Variants in MEST observed in about 807,000 individuals in gnomAD.
MEST encodes mesoderm-specific transcript homolog protein.
Under a neutral mutation model 50.9 loss-of-function variants are expected in MEST, and 18 were observed. The ratio of observed to expected loss-of-function variants is 0.35; its 90% CI spans 0.24 to 0.52. The LOEUF (loss-of-function observed/expected upper bound fraction) is 0.52, where lower values mean the gene tolerates loss of function less well. Ranked by LOEUF, MEST falls within the 20% of genes least tolerant of loss-of-function variation. The probability of loss-of-function intolerance (pLI) is 0.94; values close to 1 mark genes in which losing one functional copy is unlikely to be tolerated. For synonymous variants in MEST, 130 were observed against 154.1 expected, an observed-to-expected ratio of 0.84 and a Z score of 1.16; for missense variants, 282 against 425.3, an observed-to-expected ratio of 0.66 and a Z score of 2.96.
chr7:130,500,761 TATC>T lies in MEST; in HGVS notation c.648-27_648-25del. 6.3e-7 allele frequency: 1 copy of T among 1,582,702 alleles called. No individual in the cohort carries two copies. The highest frequency in any genetic ancestry group is 8.6e-7 in the Non-Finnish European group (1 of 1,159,984). Reference sequence around the variant, plus strand: ...GAACATTCTGAGTTCTCCTCACACTTATCTTCCTGCGTTTTGGACTCTTTCAGT... The same window carrying T: ...GAACATTCTGAGTTCTCCTCACACTTTTCCTGCGTTTTGGACTCTTTCAGT... On this transcript the variant is annotated intron_variant, in intron 8 of 11. Transcript: ENST00000223215. This position sits in a 1 kb window ranked among gnomAD's most constrained non-coding sequence, Gnocchi z 5.0.
At position 130,501,090 on chromosome 7, in the gene MEST, G is replaced by A. The variant is rs1799261120; in HGVS notation, c.749+200G>A. 8 of 480,302 alleles carry A rather than the reference G, an allele frequency of 1.7e-5. No individual in the cohort carries two copies. In the South Asian group the frequency reaches 3.1e-4, roughly 18 times the overall value. The allele number at this position is 480,302 out of a possible 1,614,324, so 29.8% of individuals were successfully genotyped here. A position where few individuals can be genotyped will look rare whatever the true frequency, so the allele number is the denominator to read the frequency against. ...ACTGGACTCTTTGTTAGTATTAAATGCTTCAAAGTATTGAATCATGGTTGT... is the reference window on the plus strand; with the variant it reads ...ACTGGACTCTTTGTTAGTATTAAATACTTCAAAGTATTGAATCATGGTTGT... On this transcript the variant is annotated intron_variant, in intron 9 of 11. Coordinates refer to ENST00000223215, the MANE Select transcript of MEST (RefSeq NM_002402.4).
chr7:130,504,329 A>G (rs1799393157), intron 11 of MEST, among the ~76,000 whole-genome samples: 1 of 152,222 alleles, frequency 6.6e-6, no homozygotes, highest in African/African-American at 2.4e-5. Context: ...GTCTGATTGT[A>G]AAGCCAATTC....
chr7:130,495,616 T>G, intron 2 of MEST, 94 bp downstream of exon 2: 1 of 1,263,582 alleles, frequency 7.9e-7, no homozygotes, highest in Non-Finnish European at 1.1e-6. Context: ...TTGTTGCTCC[T>G]TAATGATGGA....
chr7:130,492,354 G>A lies in MEST; in HGVS notation c.26+15G>A, dbSNP rs781907540. ...CGCCTCCGCAGGTGAGTGTGCGGTG[G>A]GAACGAGGGGGTGTGGCTGGCGGCC... On this transcript the variant is annotated intron_variant, in intron 1 of 11. Transcript: ENST00000223215. The surrounding 1 kb of genome is among the most constrained non-coding windows in gnomAD (Gnocchi z 7.6). The A allele has an allele frequency of 9.9e-6, 13 of 1,309,426 alleles. No individual in the cohort carries two copies. Among genetic ancestry groups the A allele is most frequent in the Middle Eastern group, 2.0e-4 (1 of 4,986 alleles). 81.1% of individuals were successfully genotyped at this position (1,309,426 alleles called of 1,614,324 possible).
At chr7:130,496,984 GC>G (rs1432164362) in intron 2 of MEST, 171 bp from the exon 3 acceptor site, 4 of 484,928 alleles carry the variant, frequency 8.2e-6, no homozygotes, top group Non-Finnish European at 1.5e-5. Flanking sequence ...AGGAGAAAAG[GC>G]CTGTTCTCAC....
Position 130,497,872 on chromosome 7 carries a change from C to T in MEST, c.262-64C>T. The T allele has an allele frequency of 6.8e-7, 1 of 1,467,838 alleles. No individual in the cohort carries two copies. The highest frequency in any genetic ancestry group is 1.7e-5 in the Admixed American group (1 of 59,854). 90.9% of individuals were successfully genotyped at this position (1,467,838 alleles called of 1,614,324 possible). On this transcript the variant is annotated intron_variant, in intron 3 of 11. Transcript: ENST00000223215. This position sits in a 1 kb window ranked among gnomAD's most constrained non-coding sequence, Gnocchi z 4.0. The stretch of plus-strand genomic sequence containing the variant: ...AGATAGGGCTGAAGCTCCTGTGCAA[C>T]TGTAGGTCTGGTGAAAGGGAGGGGC...
At chr7:130,495,225 G>T (rs956452269) in intron 1 of MEST, 143 bp from the exon 2 acceptor site, 1 of 717,848 alleles carries the variant, frequency 1.4e-6, no homozygotes, top group Non-Finnish European at 2.2e-6. Context: ...TTATAGTCTC[G>T]GTCAGCTTTG....
chr7:130,505,507 A>G lies in MEST; in HGVS notation c.*451A>G, dbSNP rs1799446453. Reference sequence around the variant, plus strand: ...TCTCCTCGAATGACGTTATGGGCACATGCCTTTTAAAAGTTCTTTAAGCAA... The same window carrying G: ...TCTCCTCGAATGACGTTATGGGCACGTGCCTTTTAAAAGTTCTTTAAGCAA... On this transcript the variant is annotated 3_prime_UTR_variant, in exon 12 of 12. Transcript: ENST00000223215. 1 of 154,728 alleles carries G rather than the reference A, an allele frequency of 6.5e-6. No homozygotes were observed. Among genetic ancestry groups the G allele is most frequent in the Admixed American group, 6.3e-5 (1 of 15,862 alleles). 9.6% of individuals were successfully genotyped at this position (154,728 alleles called of 1,614,324 possible). A position where few individuals can be genotyped will look rare whatever the true frequency, so the allele number is the denominator to read the frequency against.
intron 2 of MEST, chr7:130,496,087 C>T (rs782053243): frequency 4.2e-6 from 2 of 470,646 alleles, no homozygotes; most frequent in South Asian, 3.1e-5. Flanking sequence ...GGTGAAGAAA[C>T]TGAGAAACAG....
At chr7:130,493,119 C>T (rs555498365) in intron 1 of MEST, 3 of 152,254 alleles carry the variant, frequency 2.0e-5, no homozygotes, top group African/African-American at 7.2e-5. Flanking sequence ...TCGCAGTGCC[C>T]GTCAGCCGCC....
intron 1 of MEST, chr7:130,493,056 G>A (rs1260982149): frequency 6.6e-6 from 1 of 152,158 alleles, no homozygotes; most frequent in Non-Finnish European, 1.5e-5. Flanking sequence ...GTGCAGCTTA[G>A]GATTTCAAGA....
Position 130,502,674 on chromosome 7 carries a change from G to A in MEST, c.780G>A (p.Lys260=). ...SLLQYINQRK[K]FRRRWVGALA... ...TACAGTACATCAATCAGAGGAAGAA[G>A]TTCAGAAGGCGCTGGGTGGGAGCTC... The change falls in exon 10 of 12, where the codon AAG becomes AAA. Residue 260 remains lysine, a synonymous_variant. Transcript: ENST00000223215. The A allele has an allele frequency of 1.2e-6, 2 of 1,613,942 alleles. No individual in the cohort carries two copies. Among genetic ancestry groups the A allele is most frequent in the Non-Finnish European group, 1.7e-6 (2 of 1,179,890 alleles).
rs192998666 is a variant in MEST, at chr7:130,500,215, C to A, written c.577-247C>A. Among the ~76,000 whole-genome samples, 1 of 152,158 alleles carries A rather than the reference C, an allele frequency of 6.6e-6. No individual in the cohort carries two copies. Among genetic ancestry groups the A allele is most frequent in the Non-Finnish European group, 1.5e-5 (1 of 68,032 alleles). Reference sequence around the variant, plus strand: ...GAACAAATTAGGATCCTACTCTAAACTTGAATATATCAGAGTTAAAGTTTT... The same window carrying A: ...GAACAAATTAGGATCCTACTCTAAAATTGAATATATCAGAGTTAAAGTTTT... On this transcript the variant is annotated intron_variant, in intron 7 of 11. Coordinates refer to ENST00000223215, the MANE Select transcript of MEST (RefSeq NM_002402.4). The surrounding 1 kb of genome is among the most constrained non-coding windows in gnomAD (Gnocchi z 5.0).
intron 1 of MEST, among the ~76,000 whole-genome samples, chr7:130,493,820 A>G (rs1215044923): frequency 6.6e-6 from 1 of 152,212 alleles, no homozygotes; most frequent in Non-Finnish European, 1.5e-5. Context: ...AGTACAGGAC[A>G]GATAGGGCTG....
chr7:130,505,250 C>T lies in MEST; in HGVS notation c.*194C>T, dbSNP rs1368466342. Reference sequence around the variant, plus strand: ...TCTGACTAAGGTTGACATAATAGTCCACCTCCCATTACTTTGATATCTGAT... The same window carrying T: ...TCTGACTAAGGTTGACATAATAGTCTACCTCCCATTACTTTGATATCTGAT... On this transcript the variant is annotated 3_prime_UTR_variant, in exon 12 of 12. Coordinates refer to ENST00000223215, the MANE Select transcript of MEST (RefSeq NM_002402.4). The T allele has an allele frequency of 1.9e-6, 1 of 527,712 alleles. No homozygotes were observed. The highest frequency in any genetic ancestry group is 3.4e-6 in the Non-Finnish European group (1 of 291,640). The allele number at this position is 527,712 out of a possible 1,614,324, so 32.7% of individuals were successfully genotyped here.
In MEST at chr7:130,498,450, A is replaced by G. The variant is rs781802797; in HGVS notation, c.508A>G (p.Ile170Val). The G allele has an allele frequency of 8.1e-6, 13 of 1,614,068 alleles. No homozygotes were observed. In the East Asian group the frequency reaches 1.8e-4, roughly 22 times the overall value. The change falls in exon 6 of 12, where the codon ATA (isoleucine) becomes GTA (valine). Residue 170 changes from isoleucine (I) to valine (V), a missense_variant. Transcript: ENST00000223215. The part of the protein sequence containing the change: ...YKQNRSGRLT[I>V]KSLCLSNGGI... ...GCAGAATCGATCTGGTCGGCTTACC[A>G]TAAAGAGTCTCTGTCTGTCAAATGG...
chr7:130,498,210 G>A lies in MEST; in HGVS notation c.411G>A (p.Gln137=). 2 of 1,614,166 alleles carry A rather than the reference G, an allele frequency of 1.2e-6. No homozygotes were observed. Among genetic ancestry groups the A allele is most frequent in the Non-Finnish European group, 1.7e-6 (2 of 1,180,002 alleles). ...CGCTTTTGCGGCATCTGGGGCTCCA[G>A]AACCGCAGGATCAACCTTCTTTCTC... ...VEALLRHLGL[Q]NRRINLLSHD... is the part of the protein sequence containing the mutation. The change falls in exon 5 of 12, where the codon CAG becomes CAA. Residue 137 remains glutamine, a synonymous_variant. Coordinates refer to ENST00000223215, the MANE Select transcript of MEST (RefSeq NM_002402.4).
chr7:130,494,875 T>A (rs1798981265), intron 1 of MEST: 1 of 974,194 alleles, frequency 1.0e-6, no homozygotes, highest in Admixed American at 6.2e-5. Context: ...ACACACTCTT[T>A]AAAACATGAG....
intron 10 of MEST, among the ~76,000 whole-genome samples, chr7:130,503,020 A>G (rs1268225793): frequency 1.3e-5 from 2 of 152,296 alleles, no homozygotes; most frequent in East Asian, 1.9e-4. Context: ...GTGTGTGTGT[A>G]GAGTGAAGTA....
Sources: allele counts gnomAD v4.1 joint callset (sites outside exome capture counted in the v4.1 genomes callset), GRCh38; gene constraint gnomAD v4.1.1; non-coding constraint Gnocchi (gnomAD v3.1); transcripts MANE v1.5; gene names NCBI Gene and HGNC (gene_info 2026-07-23, HGNC 2026-07-21).